Variants in HIPK2 observed in about 807,000 individuals in gnomAD.
HIPK2 encodes homeodomain interacting protein kinase 2.
In HIPK2, 27 loss-of-function variants were observed where a neutral mutation model predicts 113.7. The observed-to-expected ratio is 0.24, with a 90% CI of 0.17 to 0.33. The LOEUF is 0.33. Among genes scored for constraint, HIPK2 ranks in the 10% least tolerant of loss-of-function variants. HIPK2 has a pLI of 1.00. For synonymous variants in HIPK2, 631 were observed against 642.2 expected, an observed-to-expected ratio of 0.98 and a Z score of 0.26; for missense variants, 1,257 against 1,588.0, an observed-to-expected ratio of 0.79 and a Z score of 3.54.
At chr7:139,594,778 G>A (rs951992116) in intron 12 of HIPK2, among the ~76,000 whole-genome samples, 1 of 152,090 alleles carries the variant, frequency 6.6e-6, no homozygotes, top group African/African-American at 2.4e-5. Flanking sequence ...GGCAGTCCCC[G>A]CCACTCTTCA....
At chr7:139,661,393 A>T (rs1189182501) in intron 2 of HIPK2, among the ~76,000 whole-genome samples, 1 of 152,202 alleles carries the variant, frequency 6.6e-6, no homozygotes, top group Admixed American at 6.5e-5. Flanking sequence ...TGCCCACTGG[A>T]GAAGTGCAGG....
intron 2 of HIPK2, among the ~76,000 whole-genome samples, chr7:139,634,161 G>A (rs1585305309): frequency 6.6e-6 from 1 of 152,140 alleles, no homozygotes; most frequent in African/African-American, 2.4e-5. Context: ...TAGAGACTGG[G>A]TACTGGCTAC....
At chr7:139,637,870 A>T (rs1192313041) in intron 2 of HIPK2, among the ~76,000 whole-genome samples, 2 of 152,204 alleles carry the variant, frequency 1.3e-5, no homozygotes, top group Non-Finnish European at 2.9e-5. Context: ...GAGGAGCAGA[A>T]GCTGAGGCTC....
chr7:139,768,759 G>C (rs1246459286), intron 1 of HIPK2, among the ~76,000 whole-genome samples: 1 of 152,142 alleles, frequency 6.6e-6, no homozygotes, highest in African/African-American at 2.4e-5. Context: ...GGCTCTGACA[G>C]CCTGGTAGGA....
intron 1 of HIPK2, among the ~76,000 whole-genome samples, chr7:139,759,034 C>T (rs1468468168): frequency 1.3e-5 from 2 of 151,898 alleles, no homozygotes; most frequent in African/African-American, 4.8e-5. Context: ...GCATGATCAA[C>T]TGGAAAAAAA....
At chr7:139,696,410 A>G (rs1445578368) in intron 2 of HIPK2, among the ~76,000 whole-genome samples, 1 of 151,972 alleles carries the variant, frequency 6.6e-6, no homozygotes, top group African/African-American at 2.4e-5. Flanking sequence ...CCCCGCCACC[A>G]ATCCCTACAA....
At chr7:139,696,302 G>T (rs902105389) in intron 2 of HIPK2, among the ~76,000 whole-genome samples, 8 of 152,164 alleles carry the variant, frequency 5.3e-5, no homozygotes, top group Non-Finnish European at 1.0e-4. Flanking sequence ...GCTGGGCAGG[G>T]TGGCTCACAT....
intron 1 of HIPK2, among the ~76,000 whole-genome samples, chr7:139,773,269 T>C (rs917681626): frequency 1.3e-5 from 2 of 152,186 alleles, no homozygotes; most frequent in African/African-American, 4.8e-5. Flanking sequence ...AGCATCTGGG[T>C]TTCTTTTATA....
chr7:139,626,882 T>C, intron 5 of HIPK2, 97 bp from the exon 6 acceptor site: 1 of 1,351,970 alleles, frequency 7.4e-7, no homozygotes, highest in Non-Finnish European at 1.0e-6. Flanking sequence ...CCTCCTGATC[T>C]CTCAAGCCCC....
At chr7:139,777,110 C>T (rs921982599) in intron 1 of HIPK2, 1 of 152,196 alleles carries the variant, frequency 6.6e-6, no homozygotes, top group Non-Finnish European at 1.5e-5. Flanking sequence ...CCACCTAGCC[C>T]CGTGCATTCC....
chr7:139,595,895 C>T lies in HIPK2; in HGVS notation c.2717+822G>A, dbSNP rs79040425. 4.5e-3 allele frequency among the ~76,000 whole-genome samples: 689 copies of T among 152,288 alleles called. 7 individuals are homozygous for T. Among genetic ancestry groups the T allele is most frequent in the African/African-American group, 0.016 (647 of 41,560 alleles). Reference sequence around the variant, plus strand: ...CAGCTGCAGGATGCGTGCTGACTGGCAGCGCTGGGCCTGGGAGGGGCAGGC... The same window carrying T: ...CAGCTGCAGGATGCGTGCTGACTGGTAGCGCTGGGCCTGGGAGGGGCAGGC... On this transcript the variant is annotated intron_variant, in intron 12 of 14. Transcript: ENST00000406875.
At chr7:139,675,920 C>G (rs1802480709) in intron 2 of HIPK2, among the ~76,000 whole-genome samples, 2 of 152,212 alleles carry the variant, frequency 1.3e-5, no homozygotes, top group Non-Finnish European at 2.9e-5. Flanking sequence ...TTTTCTCATA[C>G]TTGGTCCCTT....
At chr7:139,725,940 A>G (rs1006265811) in intron 1 of HIPK2, among the ~76,000 whole-genome samples, 1 of 152,220 alleles carries the variant, frequency 6.6e-6, no homozygotes, top group African/African-American at 2.4e-5. Flanking sequence ...ATCACCAAAC[A>G]ACGAGATGAG....
At chr7:139,635,669 T>C (rs1800786281) in intron 2 of HIPK2, among the ~76,000 whole-genome samples, 1 of 152,038 alleles carries the variant, frequency 6.6e-6, no homozygotes, top group Non-Finnish European at 1.5e-5. Flanking sequence ...GGCATCTGGC[T>C]AGGTGGCTGG....
At chr7:139,653,780 T>A (rs1007278688) in intron 2 of HIPK2, among the ~76,000 whole-genome samples, 2 of 151,966 alleles carry the variant, frequency 1.3e-5, no homozygotes, top group African/African-American at 4.8e-5. Flanking sequence ...TCGCCCAGGC[T>A]GGAGTGCAGT....
chr7:139,605,480 G>A lies in HIPK2; in HGVS notation c.2113-1257C>T, dbSNP rs186535919. ...TGTGACTAACATTGGGTAATTTATC[G>A]AATGCAGTGCTTCACAAACTGTGCA... On this transcript the variant is annotated intron_variant, in intron 9 of 14. Transcript: ENST00000406875. Among the ~76,000 whole-genome samples, 19 of 152,174 alleles carry A rather than the reference G, an allele frequency of 1.2e-4. No individual in the cohort carries two copies. The East Asian group carries it at 2.5e-3, about 20-fold the overall frequency.
chr7:139,736,144 G>C (rs1795932330), intron 1 of HIPK2, among the ~76,000 whole-genome samples: 1 of 152,106 alleles, frequency 6.6e-6, no homozygotes, highest in African/African-American at 2.4e-5. Context: ...CAGGGGCTTG[G>C]CACCCACCAT....
intron 2 of HIPK2, among the ~76,000 whole-genome samples, chr7:139,681,593 A>G (rs1331967084): frequency 6.6e-6 from 1 of 152,148 alleles, no homozygotes; most frequent in African/African-American, 2.4e-5. Context: ...ACATCACCTG[A>G]GAACAAAGCC....
intron 13 of HIPK2, among the ~76,000 whole-genome samples, chr7:139,582,394 G>T (rs1432759117): frequency 6.6e-6 from 1 of 152,228 alleles, no homozygotes; most frequent in African/African-American, 2.4e-5. Context: ...GCTGCGTGCT[G>T]CTTGTGTGTC....
Sources: gnomAD v4.1 joint callset for allele counts (sites outside exome capture counted in the v4.1 genomes callset) on GRCh38, gnomAD v4.1.1 for gene constraint, MANE v1.5 for transcripts, NCBI Gene and HGNC (gene_info 2026-07-23, HGNC 2026-07-21) for gene names.